The following DCBLD1 variants were observed in gnomAD, a reference collection of about 807,000 sequenced individuals.
DCBLD1 encodes discoidin, CUB and LCCL domain containing 1, also known as discoidin, CUB and LCCL domain-containing protein 1.
A neutral mutation model predicts 71.5 loss-of-function variants in DCBLD1; 57 were observed. That is an observed-to-expected ratio of 0.80 (90% CI 0.64 to 0.99). The LOEUF is 0.99. Ranked by LOEUF, DCBLD1 falls within the 50% of genes least tolerant of loss-of-function variation. DCBLD1 has a pLI of 0.00. For missense variants in DCBLD1, 891 were observed against 923.5 expected (o/e 0.96, Z 0.46); for synonymous variants, 380 against 363.8 (o/e 1.04, Z -0.51).
intron 4 of DCBLD1, among the ~76,000 whole-genome samples, chr6:117,524,087 C>CTGGA (rs1778469289): frequency 6.6e-6 from 1 of 152,158 alleles, no homozygotes; most frequent in Admixed American, 6.5e-5. Context: ...CTAGGTAGTG[C>CTGGA]TGGAGCCTGT....
chr6:117,549,526 A>G lies in DCBLD1; in HGVS notation c.*1087A>G, dbSNP rs1779387348. The G allele has an allele frequency of 7.1e-6, 7 of 985,236 alleles. No individual in the cohort carries two copies. The highest frequency in any genetic ancestry group is 8.4e-6 in the Non-Finnish European group (7 of 829,920). The allele number at this position is 985,236 out of a possible 1,614,324, so 61.0% of individuals were successfully genotyped here. A position where few individuals can be genotyped will look rare whatever the true frequency, so the allele number is the denominator to read the frequency against. ...TTTGAGTTTCTTTTGTGAGTTAACT[A>G]TGGGAGATTTAACCTCTTTTGCCAA... is the stretch of plus-strand genomic sequence containing the variant. On this transcript the variant is annotated 3_prime_UTR_variant, in exon 15 of 15. Coordinates refer to ENST00000338728, the MANE Select transcript of DCBLD1 (RefSeq NM_001366458.2).
chr6:117,538,865 A>T, intron 8 of DCBLD1, 30 bp downstream of exon 8: 2 of 1,588,840 alleles, frequency 1.3e-6, no homozygotes, highest in Non-Finnish European at 1.7e-6. Flanking sequence ...TGCCAAGTGC[A>T]GGAGTAGTTT....
chr6:117,488,776 G>T (rs999314585), intron 1 of DCBLD1, among the ~76,000 whole-genome samples: 5 of 152,196 alleles, frequency 3.3e-5, no homozygotes, highest in Admixed American at 1.3e-4. Flanking sequence ...GATTTAGACC[G>T]GGGGTCCCCT....
chr6:117,504,591 G>A (rs1777776912), intron 2 of DCBLD1, among the ~76,000 whole-genome samples: 1 of 152,186 alleles, frequency 6.6e-6, no homozygotes, highest in African/African-American at 2.4e-5. Context: ...GTAAGGGAAT[G>A]GACTGTTCCG....
At chr6:117,539,103 T>C in intron 8 of DCBLD1, 152 bp from the exon 9 acceptor site, 2 of 754,126 alleles carry the variant, frequency 2.7e-6, no homozygotes, top group East Asian at 5.5e-5. Context: ...CATTAATCTG[T>C]GAAGAGATTT....
At chr6:117,556,581 A>G (rs548334926) in intron 14 of DCBLD1, among the ~76,000 whole-genome samples, 42 of 152,350 alleles carry the variant, frequency 2.8e-4, no homozygotes, top group Non-Finnish European at 4.4e-4. Flanking sequence ...ATAGTATTCA[A>G]TGGTATATAT....
intron 1 of DCBLD1, among the ~76,000 whole-genome samples, chr6:117,500,716 A>C (rs1777627394): frequency 6.6e-6 from 1 of 152,062 alleles, no homozygotes; most frequent in South Asian, 2.1e-4. Context: ...AATACAAAAA[A>C]ATTAGCCGTA....
chr6:117,503,515 T>C, intron 1 of DCBLD1: 1 of 461,270 alleles, frequency 2.2e-6, no homozygotes, highest in Non-Finnish European at 3.8e-6. Context: ...AATGATTTGT[T>C]TCCTAAGGGC....
intron 14 of DCBLD1, among the ~76,000 whole-genome samples, chr6:117,567,564 T>A (rs897561623): frequency 2.0e-5 from 3 of 152,122 alleles, no homozygotes; most frequent in Non-Finnish European, 2.9e-5. Flanking sequence ...TGTTTCTTAT[T>A]CAATAGGTCT....
rs1214474271 is a variant in DCBLD1, at chr6:117,544,536, AGAAAG to A, written c.1458_1462del (p.Gly487SerfsTer17). The A allele has an allele frequency of 6.2e-7, 1 of 1,613,744 alleles. No individual in the cohort carries two copies. Among genetic ancestry groups the A allele is most frequent in the East Asian group, 2.2e-5 (1 of 44,864 alleles). On this transcript the variant is annotated frameshift_variant, in exon 13 of 15. Transcript: ENST00000338728. LOFTEE classifies it high-confidence loss of function. ...ACTTTTTGTCTTGATAGGAAGAAGA[AGAAAG>A]GAAGTCCGTATGGATCAGCAGAGGC...
chr6:117,487,410 G>C (rs1777127664), intron 1 of DCBLD1, among the ~76,000 whole-genome samples: 1 of 152,148 alleles, frequency 6.6e-6, no homozygotes, highest in South Asian at 2.1e-4. Flanking sequence ...CGGATCACTT[G>C]AGCTCAGGAG....
chr6:117,497,099 G>T (rs1022880942), intron 1 of DCBLD1, among the ~76,000 whole-genome samples: 3 of 152,170 alleles, frequency 2.0e-5, no homozygotes, highest in Non-Finnish European at 2.9e-5. Context: ...GGATGCTGAG[G>T]CAGGAGAATT....
At chr6:117,495,827 C>G (rs1777450267) in intron 1 of DCBLD1, among the ~76,000 whole-genome samples, 1 of 152,062 alleles carries the variant, frequency 6.6e-6, no homozygotes, top group African/African-American at 2.4e-5. Flanking sequence ...GATTTTTTTC[C>G]TTTGGCAGCA....
chr6:117,552,137 T>G (rs1332346482), downstream of DCBLD1, among the ~76,000 whole-genome samples: 6 of 152,176 alleles, frequency 3.9e-5, no homozygotes, highest in East Asian at 1.2e-3. Flanking sequence ...GTTGTTGTTT[T>G]TTAAAAAGAG....
intron 2 of DCBLD1, 26 bp from the exon 3 acceptor site, chr6:117,519,790 G>A (rs1355450054): frequency 1.4e-5 from 23 of 1,594,730 alleles, no homozygotes; most frequent in African/African-American, 2.7e-5. Flanking sequence ...ATTTTGAAAT[G>A]TGCCACAAGT....
Position 117,544,595 on chromosome 6 carries a change from T to C in DCBLD1, c.1495+18T>C, listed in dbSNP as rs1779205428. Reference sequence around the variant, plus strand: ...GAAAACAGGTTGGTTGAAAACTCTATCTACAATTTTATCTGTCTTTGAGGA... The same window carrying C: ...GAAAACAGGTTGGTTGAAAACTCTACCTACAATTTTATCTGTCTTTGAGGA... On this transcript the variant is annotated intron_variant, in intron 13 of 14. Coordinates refer to ENST00000338728, the MANE Select transcript of DCBLD1 (RefSeq NM_001366458.2). 1 of 1,613,626 alleles carries C rather than the reference T, an allele frequency of 6.2e-7. No homozygotes were observed. The highest frequency in any genetic ancestry group is 8.5e-7 in the Non-Finnish European group (1 of 1,179,828).
At chr6:117,511,079 A>C (rs1778004637) in intron 2 of DCBLD1, among the ~76,000 whole-genome samples, 1 of 151,970 alleles carries the variant, frequency 6.6e-6, no homozygotes, top group African/African-American at 2.4e-5. Context: ...CCCTGCTCAA[A>C]TGCCCAGAGG....
At chr6:117,533,044 G>A (rs1215370510) in intron 6 of DCBLD1, among the ~76,000 whole-genome samples, 1 of 136,880 alleles carries the variant, frequency 7.3e-6, no homozygotes, top group African/African-American at 2.7e-5. Context: ...CCTACCCTGT[G>A]GTCCAGACGT....
rs561753574 is a variant in DCBLD1, at chr6:117,530,275, G to A, written c.586-1985G>A. On this transcript the variant is annotated intron_variant, in intron 5 of 14. Transcript: ENST00000338728. ...CTTTTTGGCAACAGGGACCACTTTTGTGAAAGACAGTTTTTCCACAGACGG... is the reference window on the plus strand; with the variant it reads ...CTTTTTGGCAACAGGGACCACTTTTATGAAAGACAGTTTTTCCACAGACGG... Among the ~76,000 whole-genome samples the A allele has an allele frequency of 2.6e-5, 4 of 152,290 alleles. No individual in the cohort carries two copies. The South Asian group carries it at 6.2e-4, about 24-fold the overall frequency.
Sources: allele counts gnomAD v4.1 joint callset (sites outside exome capture counted in the v4.1 genomes callset), GRCh38; gene constraint gnomAD v4.1.1; transcripts MANE v1.5; gene names NCBI Gene and HGNC (gene_info 2026-07-23, HGNC 2026-07-21).